Variants in ARHGAP21 observed in about 807,000 individuals in gnomAD.
ARHGAP21 encodes the protein rho GTPase-activating protein 21.
In ARHGAP21, 38 loss-of-function variants were observed where a neutral mutation model predicts 164.6. The observed-to-expected ratio is 0.23, with a 90% confidence interval of 0.18 to 0.30. The LOEUF (loss-of-function observed/expected upper bound fraction) is 0.30, where lower values mean the gene tolerates loss of function less well. Among genes scored for constraint, ARHGAP21 ranks in the 10% least tolerant of loss-of-function variants. ARHGAP21 has a pLI of 1.00. For missense variants in ARHGAP21, 1,822 were observed against 2,370.7 expected (o/e 0.77, Z 4.81); for synonymous variants, 766 against 857.9 (o/e 0.89, Z 1.87).
intron 21 of ARHGAP21, among the ~76,000 whole-genome samples, chr10:24,593,570 T>C (rs993113849): frequency 1.1e-5 from 1 of 91,258 alleles, no homozygotes; most frequent in African/African-American, 3.5e-5. Flanking sequence ...TATTCATAAA[T>C]TTAAAAATTG....
At chr10:24,720,966 T>C (rs917658423) in intron 2 of ARHGAP21, among the ~76,000 whole-genome samples, 8 of 150,128 alleles carry the variant, frequency 5.3e-5, no homozygotes, top group Admixed American at 4.0e-4. Context: ...AGAAGTAAAT[T>C]CCGAATACTT....
intron 2 of ARHGAP21, among the ~76,000 whole-genome samples, chr10:24,691,378 T>A (rs868563214): frequency 1.3e-5 from 2 of 152,228 alleles, no homozygotes; most frequent in South Asian, 2.1e-4. Flanking sequence ...CAACTTCTAA[T>A]GTGGTAATAA....
intron 21 of ARHGAP21, among the ~76,000 whole-genome samples, chr10:24,594,654 A>C (rs569085143): frequency 6.6e-6 from 1 of 152,170 alleles, no homozygotes; most frequent in Non-Finnish European, 1.5e-5. Context: ...TAGCGTATGC[A>C]TATGTTACCT....
rs1167850349 is a variant in ARHGAP21 at position 24,679,453 on chromosome 10, G to A, written c.64-9056C>T. ...ACCCTCCTAAAACCATCACCTTGAG[G>A]GTTTGGGTGTCAACATATAAATTTT... On this transcript the variant is annotated intron_variant, in intron 2 of 25. Coordinates refer to ENST00000396432, the MANE Select transcript of ARHGAP21 (RefSeq NM_020824.4). Among the ~76,000 whole-genome samples the A allele has an allele frequency of 2.6e-5, 4 of 152,270 alleles. No individual in the cohort carries two copies. In the East Asian group the frequency reaches 7.7e-4, roughly 29 times the overall value.
intron 2 of ARHGAP21, among the ~76,000 whole-genome samples, chr10:24,678,980 G>C (rs75991875): frequency 6.6e-6 from 1 of 152,138 alleles, no homozygotes; most frequent in Non-Finnish European, 1.5e-5. Context: ...CCATGGAATG[G>C]ATGTACCACA....
chr10:24,602,139 C>T (rs755807176), intron 12 of ARHGAP21, 36 bp from the exon 13 acceptor site: 4 of 1,578,490 alleles, frequency 2.5e-6, no homozygotes, highest in Non-Finnish European at 3.4e-6. Flanking sequence ...AAAATGTCAG[C>T]ATTTTCCTTT....
rs188576737 is a variant in ARHGAP21 at position 24,621,248 on chromosome 10, T to A, written c.647A>T (p.Gln216Leu). The stretch of plus-strand genomic sequence containing the variant: ...GTCAGGAGGAGATATTTCAACTGGC[T>A]GTGCCATGGCTGATGGGGCAGATGG... ...WLPSAPSAMA[Q>L]PVEISPPDSS... Residue 216 changes from glutamine to leucine, a missense_variant, in exon 9 of 26, where the codon CAG becomes CTG. Around this residue, in one of 5 missense-constraint regions of ARHGAP21, gnomAD observed 1,090 missense variants for 1,378.9 expected, o/e 0.79. Transcript: ENST00000396432. The A allele has an allele frequency of 3.1e-6, 5 of 1,613,814 alleles. No individual in the cohort carries two copies. Among genetic ancestry groups the A allele is most frequent in the Non-Finnish European group, 3.4e-6 (4 of 1,179,874 alleles).
intron 17 of ARHGAP21, 102 bp downstream of exon 17, chr10:24,596,638 G>GATT: frequency 6.6e-7 from 1 of 1,512,462 alleles, no homozygotes; most frequent in Non-Finnish European, 9.0e-7. Flanking sequence ...AAGGAAAACA[G>GATT]ATTGACAGTC....
intron 2 of ARHGAP21, among the ~76,000 whole-genome samples, chr10:24,705,025 T>C (rs1041171269): frequency 6.6e-6 from 1 of 152,150 alleles, no homozygotes; most frequent in Non-Finnish European, 1.5e-5. Flanking sequence ...ACTTTTGATA[T>C]CGCTGGCTTA....
In ARHGAP21 at chr10:24,596,769, C is replaced by G. The variant is rs2076601494; in HGVS notation, c.3448G>C (p.Asp1150His). Residue 1150 changes from aspartate to histidine, a missense_variant, in exon 17 of 26, where the codon GAT becomes CAT. This residue lies in a region of ARHGAP21 where 117 missense variants were observed against 238.1 expected (regional missense o/e 0.49). Coordinates refer to ENST00000396432, the MANE Select transcript of ARHGAP21 (RefSeq NM_020824.4). Reference protein sequence around the residue: ...TATGTFGVRLDDCPPAHTNRY... With the variant: ...TATGTFGVRLHDCPPAHTNRY... ...TTAGTATGAGCTGGTGGGCAGTCATCTAGTCGGACGCCGAAAGTTCCTGTA... is the reference window on the plus strand; with the variant it reads ...TTAGTATGAGCTGGTGGGCAGTCATGTAGTCGGACGCCGAAAGTTCCTGTA... 1 of 1,612,832 alleles carries G rather than the reference C, an allele frequency of 6.2e-7. No homozygotes were observed. The highest frequency in any genetic ancestry group is 1.3e-5 in the African/African-American group (1 of 74,814).
At chr10:24,591,469 C>A (rs955598924) in intron 23 of ARHGAP21, 139 bp from the exon 24 acceptor site, 2 of 1,103,602 alleles carry the variant, frequency 1.8e-6, no homozygotes, top group Non-Finnish European at 2.7e-6. Flanking sequence ...GCATAATTAA[C>A]TGCAAAATAA....
intron 14 of ARHGAP21, among the ~76,000 whole-genome samples, chr10:24,599,081 TTAAGA>T (rs1211921269): frequency 1.3e-5 from 2 of 152,250 alleles, no homozygotes; most frequent in African/African-American, 4.8e-5. Flanking sequence ...TACCTGTGTC[TTAAGA>T]TTAGATGGTG....
chr10:24,585,033 G>A lies in ARHGAP21; in HGVS notation c.5256C>T (p.Gly1752=), dbSNP rs774601648. 7 of 1,613,816 alleles carry A rather than the reference G, an allele frequency of 4.3e-6. No individual in the cohort carries two copies. Among genetic ancestry groups the A allele is most frequent in the Middle Eastern group, 1.7e-4 (1 of 6,056 alleles). Reference sequence around the variant, plus strand: ...ATGTGGGTTCCTGTTTTTCGGATTCGCCTCTGGTGGGTGTCAGTAAACTCC... The same window carrying A: ...ATGTGGGTTCCTGTTTTTCGGATTCACCTCTGGTGGGTGTCAGTAAACTCC... ...STGSLLTPTR[G]ESEKQEPTWK... The change falls in exon 26 of 26, where the codon GGC becomes GGT. Residue 1752 remains glycine (G), a synonymous_variant. Coordinates refer to ENST00000396432, the MANE Select transcript of ARHGAP21 (RefSeq NM_020824.4).
intron 2 of ARHGAP21, among the ~76,000 whole-genome samples, chr10:24,690,004 ATCT>A (rs926596740): frequency 1.3e-5 from 2 of 151,298 alleles, no homozygotes; most frequent in Non-Finnish European, 1.5e-5. Flanking sequence ...CTTTAGGAAA[ATCT>A]TCTAACCTAT....
In ARHGAP21 at chr10:24,584,394, AGT is replaced by A. The variant is rs1326024176; in HGVS notation, c.*16_*17del. The A allele has an allele frequency of 6.4e-7, 1 of 1,563,314 alleles. No individual in the cohort carries two copies. The highest frequency in any genetic ancestry group is 8.6e-7 in the Non-Finnish European group (1 of 1,158,094). On this transcript the variant is annotated 3_prime_UTR_variant, in exon 26 of 26. Coordinates refer to ENST00000396432, the MANE Select transcript of ARHGAP21 (RefSeq NM_020824.4). ...TAACAGTAGTTTTTTTACTTGCTAG[AGT>A]GGACATACCCCCAGTTTAAAGACAG...
At chr10:24,717,885 G>A (rs976634417) in intron 2 of ARHGAP21, among the ~76,000 whole-genome samples, 2 of 152,016 alleles carry the variant, frequency 1.3e-5, no homozygotes, top group Non-Finnish European at 2.9e-5. Flanking sequence ...GCGCCACCAC[G>A]CCCAGCTAAT....
intron 16 of ARHGAP21, 71 bp downstream of exon 16, chr10:24,597,376 A>T (rs531792975): frequency 6.4e-7 from 1 of 1,551,202 alleles, no homozygotes; most frequent in Admixed American, 1.9e-5. Context: ...TGGTACAGAA[A>T]ACATAAACGT....
Position 24,591,666 on chromosome 10 carries a change from T to C in ARHGAP21, c.4020A>G (p.Thr1340=). The change falls in exon 23 of 26, where the codon ACA becomes ACG. Residue 1340 remains threonine (T), a synonymous_variant. Coordinates refer to ENST00000396432, the MANE Select transcript of ARHGAP21 (RefSeq NM_020824.4). The part of the protein sequence containing the change: ...TLIQHHDWFF[T]EEGAEEPLTT... The stretch of plus-strand genomic sequence containing the variant: ...CAAGAGGCTCTTCAGCACCTTCTTC[T>C]GTGAAAAACCAGTCATGCTAAAATT... The C allele has an allele frequency of 4.3e-6, 7 of 1,614,098 alleles. No individual in the cohort carries two copies. The highest frequency in any genetic ancestry group is 5.9e-6 in the Non-Finnish European group (7 of 1,179,998).
intron 4 of ARHGAP21, among the ~76,000 whole-genome samples, chr10:24,650,401 T>TGGAGTTAAAATGTTCTAG (rs1324848374): frequency 2.6e-5 from 4 of 152,022 alleles, no homozygotes; most frequent in Non-Finnish European, 4.4e-5. Flanking sequence ...AAGGAGATAA[T>TGGAGTTAAAATGTTCTAG]GGAGTTAAAA....
Sources: allele counts gnomAD v4.1 joint callset (sites outside exome capture counted in the v4.1 genomes callset), GRCh38; gene constraint gnomAD v4.1.1; regional missense constraint gnomAD v4.1.1; transcripts MANE v1.5; gene names NCBI Gene and HGNC (gene_info 2026-07-23, HGNC 2026-07-21).